The following PACSIN1 variants were observed in gnomAD, a reference collection of about 807,000 sequenced individuals.
PACSIN1 encodes the protein protein kinase C and casein kinase substrate in neurons protein 1.
A neutral mutation model predicts 59.5 loss-of-function variants in PACSIN1; 15 were observed. The observed-to-expected ratio is 0.25, with a 90% CI of 0.17 to 0.39. The LOEUF (loss-of-function observed/expected upper bound fraction) is 0.39, where lower values mean the gene tolerates loss of function less well. Ranked by LOEUF, PACSIN1 falls within the 10% of genes least tolerant of loss-of-function variation. The pLI, the probability that PACSIN1 is intolerant of heterozygous loss-of-function variation, is 1.00. For missense variants in PACSIN1, 420 were observed against 580.2 expected, an observed-to-expected ratio of 0.72 and a Z score of 2.84; for synonymous variants, 210 against 220.6, an observed-to-expected ratio of 0.95 and a Z score of 0.42.
At chr6:34,493,899 C>T (rs1182003073) in intron 1 of PACSIN1, among the ~76,000 whole-genome samples, 1 of 152,234 alleles carries the variant, frequency 6.6e-6, no homozygotes, top group Non-Finnish European at 1.5e-5. Context: ...CTTCTGTGGA[C>T]ACTAGGAAGC....
At chr6:34,474,661 A>C (rs890165078) in intron 1 of PACSIN1, among the ~76,000 whole-genome samples, 1 of 151,928 alleles carries the variant, frequency 6.6e-6, no homozygotes, top group Non-Finnish European at 1.5e-5. Context: ...GTGATGGCAC[A>C]CACCTGTAGT....
At chr6:34,498,998 G>T in intron 1 of PACSIN1, among the ~76,000 whole-genome samples, 1 of 151,370 alleles carries the variant, frequency 6.6e-6, no homozygotes, top group Non-Finnish European at 1.5e-5. Flanking sequence ...AGGGTTGGGG[G>T]ATGATTCAAG....
At chr6:34,500,230 A>T (rs1257527189) in intron 1 of PACSIN1, among the ~76,000 whole-genome samples, 6 of 152,248 alleles carry the variant, frequency 3.9e-5, no homozygotes, top group African/African-American at 1.4e-4. Flanking sequence ...GATGGCCATT[A>T]TAAAAACAGA....
chr6:34,487,756 G>A (rs936878755), intron 1 of PACSIN1, among the ~76,000 whole-genome samples: 3 of 152,172 alleles, frequency 2.0e-5, no homozygotes, highest in Non-Finnish European at 4.4e-5. Flanking sequence ...AACCTTTGAC[G>A]AGGTGGCTCC....
chr6:34,489,728 G>A (rs1360603506), intron 1 of PACSIN1, among the ~76,000 whole-genome samples: 1 of 152,208 alleles, frequency 6.6e-6, no homozygotes, highest in African/African-American at 2.4e-5. Context: ...GCCCCCATAT[G>A]CTTCCGCCCT....
rs564488337 is a variant in PACSIN1, at chr6:34,534,966, T to C, written c.*2436T>C. The C allele has an allele frequency of 1.3e-5, 2 of 152,752 alleles. No homozygotes were observed. The highest frequency in any genetic ancestry group is 2.1e-4 in the South Asian group (1 of 4,834). The allele number at this position is 152,752 out of a possible 1,614,324, so 9.5% of individuals were successfully genotyped here. ...CGCCCTGGTGGGGCTCGGCGAGTAA[T>C]GTGTTTTGTCCCCAGTTAACCACCA... On this transcript the variant is annotated 3_prime_UTR_variant, in exon 10 of 10. Transcript: ENST00000244458.
At chr6:34,467,532 G>C (rs1026886158) in intron 1 of PACSIN1, among the ~76,000 whole-genome samples, 48 of 147,578 alleles carry the variant, frequency 3.3e-4, no homozygotes, top group African/African-American at 1.2e-3. Flanking sequence ...AAACCAGGTG[G>C]TTCTCTTTAG....
In PACSIN1 at chr6:34,535,075, C is replaced by T. The variant is rs143190690; in HGVS notation, c.*2545C>T. The T allele has an allele frequency of 6.6e-6, 1 of 152,648 alleles. No homozygotes were observed. Among genetic ancestry groups the T allele is most frequent in the Non-Finnish European group, 1.5e-5 (1 of 68,046 alleles). 9.5% of individuals were successfully genotyped at this position (152,648 alleles called of 1,614,324 possible). On this transcript the variant is annotated 3_prime_UTR_variant, in exon 10 of 10. Transcript: ENST00000244458. The stretch of plus-strand genomic sequence containing the variant: ...CTAGGCTTCCTGACTCCATTAGTTC[C>T]GACACTTGTGAAACTCCGAGAAGTG...
intron 1 of PACSIN1, among the ~76,000 whole-genome samples, chr6:34,493,226 C>G (rs1766902516): frequency 6.6e-6 from 1 of 152,200 alleles, no homozygotes; most frequent in Admixed American, 6.5e-5. Flanking sequence ...TCCCCTGCAG[C>G]TGGGGGATGG....
At chr6:34,513,395 T>C (rs1026997872) in intron 1 of PACSIN1, among the ~76,000 whole-genome samples, 2 of 152,048 alleles carry the variant, frequency 1.3e-5, no homozygotes, top group Admixed American at 6.5e-5. Context: ...TCCCTGAGAA[T>C]TACCCTGGGG....
chr6:34,509,792 A>G (rs1400225526), intron 1 of PACSIN1, among the ~76,000 whole-genome samples: 1 of 151,408 alleles, frequency 6.6e-6, no homozygotes, highest in Non-Finnish European at 1.5e-5. Flanking sequence ...GGTTAACTTT[A>G]TTCCTAAATA....
rs765898784 is a variant in PACSIN1 at position 34,532,408 on chromosome 6, TTC to T, written c.1226-9_1226-8del. 4 of 1,546,028 alleles carry T rather than the reference TTC, an allele frequency of 2.6e-6. No individual in the cohort carries two copies. Among genetic ancestry groups the T allele is most frequent in the Admixed American group, 1.9e-5 (1 of 51,880 alleles). ...CCTTCTCTCTGAGCCCCTCCCTGTG[TTC>T]TCTTTCCCAGGAGACGAACTCACCA... is the stretch of plus-strand genomic sequence containing the variant. On this transcript the variant is annotated splice_polypyrimidine_tract_variant and intron_variant, in intron 9 of 9. Coordinates refer to ENST00000244458, the MANE Select transcript of PACSIN1 (RefSeq NM_020804.5). This position sits in a 1 kb window ranked among gnomAD's most constrained non-coding sequence, Gnocchi z 5.2.
At chr6:34,489,504 T>TGGCAGGTAGTTTCAGA (rs1397788264) in intron 1 of PACSIN1, among the ~76,000 whole-genome samples, 2 of 152,138 alleles carry the variant, frequency 1.3e-5, no homozygotes, top group African/African-American at 4.8e-5. Context: ...CCTCCTTCAA[T>TGGCAGGTAGTTTCAGA]GGCAGGTAGT....
chr6:34,516,218 G>T lies in PACSIN1; in HGVS notation c.-63-10025G>T, dbSNP rs528596561. ...TTCCCATGGGCACTCGGGTCAGAGGGCCTGGTGCAGGGGCTGAGGAGGGGT... is the reference window on the plus strand; with the variant it reads ...TTCCCATGGGCACTCGGGTCAGAGGTCCTGGTGCAGGGGCTGAGGAGGGGT... On this transcript the variant is annotated intron_variant, in intron 1 of 9. Coordinates refer to ENST00000244458, the MANE Select transcript of PACSIN1 (RefSeq NM_020804.5). This position sits in a 1 kb window ranked among gnomAD's most constrained non-coding sequence, Gnocchi z 5.4. Among the ~76,000 whole-genome samples, 178 of 152,326 alleles carry T rather than the reference G, an allele frequency of 1.2e-3. No individual in the cohort carries two copies. Among genetic ancestry groups the T allele is most frequent in the African/African-American group, 4.0e-3 (165 of 41,580 alleles).
rs200170208 is a variant in PACSIN1, at chr6:34,499,798, T to TAA, written c.-63-26435_-63-26434dup. ...GCGACACAGTGAAACTTCGTCTCAA[T>TAA]AAAAAAAAAAAGAAAAAGAAAATAT... On this transcript the variant is annotated intron_variant, in intron 1 of 9. Transcript: ENST00000244458. 2.3e-4 allele frequency among the ~76,000 whole-genome samples: 31 copies of TAA among 134,496 alleles called. No homozygotes were observed. In the South Asian group the frequency reaches 6.5e-3, roughly 28 times the overall value. The allele number at this position is 134,496 out of a possible 152,430, so 88.2% of individuals were successfully genotyped here.
intron 2 of PACSIN1, 150 bp from the exon 3 acceptor site, chr6:34,527,182 G>T: frequency 2.4e-6 from 2 of 817,852 alleles, no homozygotes; most frequent in Non-Finnish European, 3.4e-6. Flanking sequence ...GCTGCGCCGC[G>T]GGGCGGGGGG....
chr6:34,523,094 T>C (rs1401837465), intron 1 of PACSIN1, among the ~76,000 whole-genome samples: 1 of 152,198 alleles, frequency 6.6e-6, no homozygotes, highest in Non-Finnish European at 1.5e-5. Context: ...AAATTAATCA[T>C]CACACTGAGC....
intron 4 of PACSIN1, 35 bp downstream of exon 4, chr6:34,528,912 T>TGGGGGGGGCCGGGGGGGGGGGGGGGG: frequency 2.2e-6 from 1 of 464,334 alleles, no homozygotes; most frequent in Non-Finnish European, 4.2e-6. Context: ...CGGGGTGGGG[T>TGGGGGGGGCCGGGGGGGGGGGGGGGG]GGGCCCGTCT....
chr6:34,520,470 A>T (rs1223222589), intron 1 of PACSIN1, among the ~76,000 whole-genome samples: 1 of 152,082 alleles, frequency 6.6e-6, no homozygotes, highest in African/African-American at 2.4e-5. Flanking sequence ...GGGGCAGGGG[A>T]AGGACCCACC....
Sources: allele counts gnomAD v4.1 joint callset (sites outside exome capture counted in the v4.1 genomes callset), GRCh38; gene constraint gnomAD v4.1.1; non-coding constraint Gnocchi (gnomAD v3.1); transcripts MANE v1.5; gene names NCBI Gene and HGNC (gene_info 2026-07-23, HGNC 2026-07-21).